Variants in VEPH1 observed in about 807,000 individuals in gnomAD.
The protein encoded by VEPH1 is ventricular zone expressed PH domain containing 1, also known as ventricular zone-expressed PH domain-containing protein homolog 1.
A neutral mutation model predicts 85.2 loss-of-function variants in VEPH1; 80 were observed. The observed-to-expected ratio is 0.94, with a 90% CI of 0.78 to 1.13. VEPH1 has a LOEUF of 1.13. Among genes scored for constraint, VEPH1 ranks in the 50% most tolerant of loss-of-function variants. The pLI is 0.00. For missense variants in VEPH1, 955 were observed against 980.5 expected, an observed-to-expected ratio of 0.97 and a Z score of 0.35; for synonymous variants, 297 against 348.0, an observed-to-expected ratio of 0.85 and a Z score of 1.63.
chr3:157,369,189 A>AC (rs1727156017), intron 7 of VEPH1, among the ~76,000 whole-genome samples: 1 of 143,184 alleles, frequency 7.0e-6, no homozygotes, highest in Non-Finnish European at 1.5e-5. Context: ...TGAAAAAAAA[A>AC]AAAAAAAAAA....
chr3:157,310,088 C>T (rs575989145), intron 11 of VEPH1, among the ~76,000 whole-genome samples: 19 of 152,258 alleles, frequency 1.2e-4, no homozygotes, highest in Non-Finnish European at 2.5e-4. Context: ...ATTTACTGCA[C>T]CTGGCTGAAT....
intron 9 of VEPH1, among the ~76,000 whole-genome samples, chr3:157,339,356 T>C (rs926183944): frequency 6.6e-6 from 1 of 152,184 alleles, no homozygotes; most frequent in African/African-American, 2.4e-5. Flanking sequence ...ACTTATGACA[T>C]GGGAAGGCCT....
At chr3:157,465,572 C>G (rs1206111836) in intron 3 of VEPH1, among the ~76,000 whole-genome samples, 1 of 152,158 alleles carries the variant, frequency 6.6e-6, no homozygotes, top group Non-Finnish European at 1.5e-5. Flanking sequence ...GCTGGGATTG[C>G]CTACTGAATA....
chr3:157,356,726 C>A (rs1289503640), intron 9 of VEPH1, among the ~76,000 whole-genome samples: 1 of 152,126 alleles, frequency 6.6e-6, no homozygotes, highest in East Asian at 1.9e-4. Flanking sequence ...TGATGACATC[C>A]AGGGACCACT....
At chr3:157,437,205 A>C (rs1365102336) in intron 4 of VEPH1, 6 of 1,180,018 alleles carry the variant, frequency 5.1e-6, no homozygotes, top group Non-Finnish European at 7.4e-6. Flanking sequence ...CACTTGAAGA[A>C]AGATGGAGGT....
chr3:157,294,461 G>A (rs953598841), intron 11 of VEPH1, among the ~76,000 whole-genome samples: 2 of 152,138 alleles, frequency 1.3e-5, no homozygotes, highest in South Asian at 4.1e-4. Flanking sequence ...ATCTCTATGT[G>A]GTATTCTATG....
At chr3:157,300,040 A>G (rs930714052) in intron 11 of VEPH1, among the ~76,000 whole-genome samples, 4 of 152,214 alleles carry the variant, frequency 2.6e-5, no homozygotes, top group African/African-American at 9.6e-5. Flanking sequence ...AAGCGCTGGT[A>G]AGTAGGTGGT....
intron 12 of VEPH1, among the ~76,000 whole-genome samples, chr3:157,269,965 G>T (rs1714324007): frequency 6.6e-6 from 1 of 152,048 alleles, no homozygotes; most frequent in African/African-American, 2.4e-5. Flanking sequence ...ATTTGGCCAG[G>T]TGTGGTGGCT....
rs553843130 is a variant in VEPH1 at position 157,476,126 on chromosome 3, A to G, written c.139-5597T>C. 4.6e-4 allele frequency among the ~76,000 whole-genome samples: 70 copies of G among 152,340 alleles called. No individual in the cohort carries two copies. The South Asian group carries it at 9.3e-3, about 20-fold the overall frequency. ...CAGTCAGCACATAAATGGAGTAGCC[A>G]TGGTGAGGGATAGAGGCTAGGCATC... is the stretch of plus-strand genomic sequence containing the variant. On this transcript the variant is annotated intron_variant, in intron 2 of 13. Coordinates refer to ENST00000362010, the MANE Select transcript of VEPH1 (RefSeq NM_001167912.2).
intron 6 of VEPH1, among the ~76,000 whole-genome samples, chr3:157,395,321 G>C (rs1035376128): frequency 1.3e-5 from 2 of 152,176 alleles, no homozygotes; most frequent in Non-Finnish European, 2.9e-5. Flanking sequence ...CCTGCCACAG[G>C]TAGCTGGCTG....
At position 157,386,055 on chromosome 3, in the gene VEPH1, A is replaced by G. The variant is rs754857038; in HGVS notation, c.907-4679T>C. 2.6e-4 allele frequency among the ~76,000 whole-genome samples: 39 copies of G among 152,148 alleles called. 1 individual carries two copies. The highest frequency in any genetic ancestry group is 5.3e-4 in the Non-Finnish European group (36 of 68,024). On this transcript the variant is annotated intron_variant, in intron 6 of 13. Coordinates refer to ENST00000362010, the MANE Select transcript of VEPH1 (RefSeq NM_001167912.2). The stretch of plus-strand genomic sequence containing the variant: ...GAAACTTTCAAGTTCACAGTGGCAG[A>G]TAATAGATTTTCCAAAACTCCAATT...
At chr3:157,366,684 G>T (rs1726743152) in intron 7 of VEPH1, among the ~76,000 whole-genome samples, 1 of 152,120 alleles carries the variant, frequency 6.6e-6, no homozygotes, top group Non-Finnish European at 1.5e-5. Flanking sequence ...GCAGTGAGCA[G>T]AGATCGCGCC....
chr3:157,413,824 G>T, intron 6 of VEPH1, 57 bp downstream of exon 6: 2 of 1,564,114 alleles, frequency 1.3e-6, no homozygotes, highest in Non-Finnish European at 1.7e-6. Flanking sequence ...CTATTAAATA[G>T]GTTGGATTAA....
chr3:157,459,875 A>G, intron 4 of VEPH1: 2 of 1,537,216 alleles, frequency 1.3e-6, no homozygotes, highest in East Asian at 2.4e-5. Context: ...TAAGATCTCC[A>G]CAGTTGGTAG....
rs1314883993 is a variant in VEPH1, at chr3:157,470,372, T to C, written c.296A>G (p.Lys99Arg). Residue 99 changes from lysine to arginine, a missense_variant, in exon 3 of 14, where the codon AAA (lysine) becomes AGA (arginine). Lys to Arg is a conservative substitution (Grantham distance 26). Transcript: ENST00000362010. ...TTTTGCATGAGGAGTGTCTTCGTCT[T>C]TCCCAAAGGGTCTCAGGTTATGTTC... ...CLEHNLRPFG[K>R]DEDTPHAKIA... 1.2e-6 allele frequency: 2 copies of C among 1,613,988 alleles called. No homozygotes were observed. The highest frequency in any genetic ancestry group is 1.7e-6 in the Non-Finnish European group (2 of 1,180,036).
intron 7 of VEPH1, among the ~76,000 whole-genome samples, chr3:157,367,741 G>A (rs1011633267): frequency 6.6e-6 from 1 of 152,146 alleles, no homozygotes; most frequent in Non-Finnish European, 1.5e-5. Context: ...AAACATCTGG[G>A]CCCTAGCAGT....
At chr3:157,343,124 A>G (rs1369627965) in intron 9 of VEPH1, among the ~76,000 whole-genome samples, 1 of 152,196 alleles carries the variant, frequency 6.6e-6, no homozygotes, top group East Asian at 1.9e-4. Flanking sequence ...AGAACTAGAG[A>G]AGCAAGAGCA....
intron 9 of VEPH1, among the ~76,000 whole-genome samples, chr3:157,319,703 G>T (rs1721162609): frequency 6.6e-6 from 1 of 152,094 alleles, no homozygotes; most frequent in African/African-American, 2.4e-5. Flanking sequence ...TGAAAAAATA[G>T]TTTCTGTCTT....
chr3:157,491,972 C>T (rs1739247703), intron 2 of VEPH1, among the ~76,000 whole-genome samples: 1 of 151,980 alleles, frequency 6.6e-6, no homozygotes, highest in Non-Finnish European at 1.5e-5. Flanking sequence ...AGGACTATTC[C>T]AAAGGAGGGT....
Sources: allele counts gnomAD v4.1 joint callset (sites outside exome capture counted in the v4.1 genomes callset), GRCh38; gene constraint gnomAD v4.1.1; transcripts MANE v1.5; gene names NCBI Gene and HGNC (gene_info 2026-07-23, HGNC 2026-07-21).